Variants in UBXN6 observed in about 807,000 individuals in gnomAD.
UBXN6 encodes the protein UBX domain protein 6, also known as UBX domain-containing protein 6.
Under a neutral mutation model 51.4 loss-of-function variants are expected in UBXN6, and 44 were observed. The ratio of observed to expected loss-of-function variants is 0.86; its 90% CI spans 0.67 to 1.10. The LOEUF is 1.10. Ranked by LOEUF, UBXN6 falls within the 50% of genes least tolerant of loss-of-function variation. UBXN6 has a pLI of 0.00. For synonymous variants in UBXN6, 316 were observed against 263.2 expected (o/e 1.20, Z -1.94); for missense variants, 672 against 596.1 (o/e 1.13, Z -1.32).
Position 4,446,378 on chromosome 19 carries a change from G to A in UBXN6, c.956C>T (p.Thr319Ile). ...EAVERLSVLR[T>I]KAMREKEEQR... is the part of the protein sequence containing the mutation. ...CTCCTCCTTCTCCCGCATGGCCTTG[G>A]TCCGCAGCACGCTCAGCCGCTCCAC... Residue 319 changes from threonine (T) to isoleucine (I), a missense_variant, in exon 9 of 11, where the codon ACC (threonine) becomes ATC (isoleucine). Transcript: ENST00000301281. 1.9e-6 allele frequency: 3 copies of A among 1,576,762 alleles called. No homozygotes were observed. Among genetic ancestry groups the A allele is most frequent in the African/African-American group, 1.3e-5 (1 of 74,536 alleles).
chr19:4,446,772 C>A, intron 7 of UBXN6, 53 bp from the exon 8 acceptor site: 1 of 1,612,380 alleles, frequency 6.2e-7, no homozygotes, highest in Non-Finnish European at 8.5e-7. Flanking sequence ...ACCCCCAAGC[C>A]GGGCCCTCCT....
chr19:4,446,899 C>T lies in UBXN6; in HGVS notation c.637G>A (p.Gly213Arg), dbSNP rs1452729151. 8 of 1,613,856 alleles carry T rather than the reference C, an allele frequency of 5.0e-6. No homozygotes were observed. Among genetic ancestry groups the T allele is most frequent in the Non-Finnish European group, 6.8e-6 (8 of 1,180,016 alleles). The change falls in exon 7 of 11, where the codon GGG becomes AGG. Residue 213 changes from glycine (G) to arginine (R), a missense_variant. Transcript: ENST00000301281. ...VFQERINCLEGTHEFFEAIGF... is the reference protein window; with the variant it reads ...VFQERINCLERTHEFFEAIGF... ...ATGGCCTCAAAAAACTCGTGGGTCC[C>T]TTCCAGGCAGTTAATGCGCTCCTGG... is the stretch of plus-strand genomic sequence containing the variant.
chr19:4,446,782 T>G, intron 7 of UBXN6, 54 bp downstream of exon 7: 1 of 1,612,996 alleles, frequency 6.2e-7, no homozygotes, highest in Non-Finnish European at 8.5e-7. Context: ...CGGGCCCTCC[T>G]GCCCCGAGGC....
chr19:4,457,718 CG>C lies in UBXN6; in HGVS notation c.-22del. On this transcript the variant is annotated 5_prime_UTR_variant, in exon 1 of 11. Coordinates refer to ENST00000301281, the MANE Select transcript of UBXN6 (RefSeq NM_025241.3). Reference sequence around the variant, plus strand: ...TTCATGGTGGCGGCTGGCCCGGCGGCGGGGGGCCGCGGGGGCGGGGGGGCAC... The same window carrying C: ...TTCATGGTGGCGGCTGGCCCGGCGGCGGGGGCCGCGGGGGCGGGGGGGCAC... The C allele has an allele frequency of 6.1e-6, 8 of 1,304,922 alleles. No individual in the cohort carries two copies. The highest frequency in any genetic ancestry group is 1.7e-5 in the African/African-American group (1 of 58,658). 80.8% of individuals were successfully genotyped at this position (1,304,922 alleles called of 1,614,324 possible). A position where few individuals can be genotyped will look rare whatever the true frequency, so the allele number is the denominator to read the frequency against.
At chr19:4,450,968 G>A (rs1009660087) in intron 4 of UBXN6, 1 of 152,178 alleles carries the variant, frequency 6.6e-6, no homozygotes, top group South Asian at 2.1e-4. Context: ...ACAGTATGGT[G>A]AGAGGATGGG....
intron 6 of UBXN6, 115 bp from the exon 7 acceptor site, chr19:4,447,035 A>T (rs1974547840): frequency 5.7e-6 from 6 of 1,052,374 alleles, no homozygotes; most frequent in Non-Finnish European, 8.5e-6. Flanking sequence ...CGACCCCTGG[A>T]TGGGGCCCAG....
chr19:4,457,086 C>G (rs2145191969), intron 1 of UBXN6, among the ~76,000 whole-genome samples: 1 of 152,248 alleles, frequency 6.6e-6, no homozygotes, highest in Non-Finnish European at 1.5e-5. Context: ...CACCCCACAG[C>G]TGTGCGTCCT....
chr19:4,448,457 G>A lies in UBXN6; in HGVS notation c.442-42C>T, dbSNP rs752479381. 55 of 1,518,056 alleles carry A rather than the reference G, an allele frequency of 3.6e-5. No individual in the cohort carries two copies. The Admixed American group carries it at 7.9e-4, about 22-fold the overall frequency. 94.0% of individuals were successfully genotyped at this position (1,518,056 alleles called of 1,614,324 possible). A position where few individuals can be genotyped will look rare whatever the true frequency, so the allele number is the denominator to read the frequency against. Reference sequence around the variant, plus strand: ...AGGGAAAGCCACTCACTGAGAGCCCGGGCCGCACGGCCCTCCGCTGCCCAG... The same window carrying A: ...AGGGAAAGCCACTCACTGAGAGCCCAGGCCGCACGGCCCTCCGCTGCCCAG... On this transcript the variant is annotated intron_variant, in intron 4 of 10. Transcript: ENST00000301281.
Position 4,454,072 on chromosome 19 carries a change from C to A in UBXN6, c.105G>T (p.Lys35Asn). The part of the protein sequence containing the change: ...ESVGEKAHKE[K>N]PNQPAPRPPR... The stretch of plus-strand genomic sequence containing the variant: ...GCGGCCTGGGGGCTGGCTGGTTGGG[C>A]TTCTCTTTGTGGGCCTTTTCCCTGG... The change falls in exon 2 of 11, where the codon AAG (lysine) becomes AAT (asparagine). Residue 35 changes from lysine (K) to asparagine (N), a missense_variant. Physicochemically the swap from Lys to Asn is moderately conservative, Grantham distance 94 (BLOSUM62 0). Coordinates refer to ENST00000301281, the MANE Select transcript of UBXN6 (RefSeq NM_025241.3). 1 of 1,568,140 alleles carries A rather than the reference C, an allele frequency of 6.4e-7. No individual in the cohort carries two copies. The highest frequency in any genetic ancestry group is 1.2e-5 in the South Asian group (1 of 85,030).
At chr19:4,452,240 T>G (rs1974664670) in intron 4 of UBXN6, 124 bp downstream of exon 4, 1 of 1,401,302 alleles carries the variant, frequency 7.1e-7, no homozygotes, top group Admixed American at 2.2e-5. Flanking sequence ...GAGGAGGGGC[T>G]TCACTACTAG....
intron 10 of UBXN6, 120 bp downstream of exon 10, chr19:4,445,929 G>A: frequency 4.1e-6 from 6 of 1,457,826 alleles, no homozygotes; most frequent in Non-Finnish European, 5.5e-6. Flanking sequence ...CAAACCCAGG[G>A]ACCTGCCCAG....
At chr19:4,448,206 C>G (rs1344662205) in intron 5 of UBXN6, 112 bp downstream of exon 5, 2 of 1,010,786 alleles carry the variant, frequency 2.0e-6, no homozygotes, top group Admixed American at 2.1e-5. Context: ...TATGCTCCTT[C>G]CCAACCCACC....
chr19:4,445,860 C>T (rs943876701), intron 10 of UBXN6, 189 bp downstream of exon 10: 26 of 1,069,740 alleles, frequency 2.4e-5, no homozygotes, highest in Middle Eastern at 6.3e-4. Flanking sequence ...GAAACTGAGG[C>T]GTGGAGTAGT....
chr19:4,457,120 T>C (rs1974749463), intron 1 of UBXN6, among the ~76,000 whole-genome samples: 1 of 152,044 alleles, frequency 6.6e-6, no homozygotes, highest in Admixed American at 6.6e-5. Flanking sequence ...CTCCCATCCA[T>C]GGTCACCTAG....
At position 4,445,564 on chromosome 19, in the gene UBXN6, G is replaced by A. The variant is rs375913154; in HGVS notation, c.1260C>T (p.Ala420=). 40 of 1,613,698 alleles carry A rather than the reference G, an allele frequency of 2.5e-5. No homozygotes were observed. Among genetic ancestry groups the A allele is most frequent in the Middle Eastern group, 1.6e-4 (1 of 6,084 alleles). ...GGATGGAGTCCGGCTCGGCCCCCGC[G>A]GCCTTGATGTCCTCCAGCACAGCCA... The part of the protein sequence containing the change: ...WDMAVLEDIK[A]AGAEPDSILK... The change falls in exon 11 of 11, where the codon GCC becomes GCT. Residue 420 remains alanine, a synonymous_variant. Transcript: ENST00000301281.
chr19:4,448,470 CTCCGCTGCCCAGGTAACAG>C, intron 4 of UBXN6, 55 bp from the exon 5 acceptor site: 1 of 1,430,536 alleles, frequency 7.0e-7, no homozygotes, highest in East Asian at 2.4e-5. Flanking sequence ...CCGCACGGCC[CTCCGCTGCCCAGGTAACAG>C]GGGCAGGAAA....
chr19:4,447,577 C>G lies in UBXN6; in HGVS notation c.588G>C (p.Lys196Asn). ...GAAACACCTTGTTCTGCAGCTTGAT[C>G]TTCCGGTACTTCTCCTCCTCGGGGT... ...HLHPEEEKYR[K>N]IKLQNKVFQE... is the part of the protein sequence containing the mutation. Residue 196 changes from lysine (K) to asparagine (N), a missense_variant, in exon 6 of 11, where the codon AAG becomes AAC. Transcript: ENST00000301281. 6.2e-7 allele frequency: 1 copy of G among 1,613,868 alleles called. No homozygotes were observed. The highest frequency in any genetic ancestry group is 1.1e-5 in the South Asian group (1 of 91,082).
rs180886926 is a variant in UBXN6, at chr19:4,445,891, T to G, written c.1200+158A>C. On this transcript the variant is annotated intron_variant, in intron 10 of 10. Coordinates refer to ENST00000301281, the MANE Select transcript of UBXN6 (RefSeq NM_025241.3). ...GTAGTTATGAACTTGCTCGAGGCCC[T>G]GCTGCCAGTAAGTGGGAAAGCAGGA... 2.4e-4 allele frequency: 308 copies of G among 1,274,110 alleles called. 1 individual carries two copies. The East Asian group carries it at 6.4e-3, about 27-fold the overall frequency. 78.9% of individuals were successfully genotyped at this position (1,274,110 alleles called of 1,614,324 possible).
In UBXN6 at chr19:4,453,981, T is replaced by G. The variant is rs554082014; in HGVS notation, c.196A>C (p.Lys66Gln). 9.9e-6 allele frequency: 16 copies of G among 1,611,228 alleles called. No individual in the cohort carries two copies. The highest frequency in any genetic ancestry group is 3.3e-4 in the Middle Eastern group (2 of 6,052). Residue 66 changes from lysine to glutamine, a missense_variant, in exon 2 of 11, where the codon AAG (lysine) becomes CAG (glutamine). Physicochemically the swap from Lys to Gln is moderately conservative, Grantham distance 53 (BLOSUM62 1). Transcript: ENST00000301281. ...GTGGGGCCCCAGGCCCGGGACTGCTTCTGCTCCAGCCGGGCTAGGGCGGCA... is the reference window on the plus strand; with the variant it reads ...GTGGGGCCCCAGGCCCGGGACTGCTGCTGCTCCAGCCGGGCTAGGGCGGCA... Reference protein sequence around the residue: ...AAAALARLEQKQSRAWGPTSQ... With the variant: ...AAAALARLEQQQSRAWGPTSQ...
Sources: gnomAD v4.1 joint callset for allele counts (sites outside exome capture counted in the v4.1 genomes callset) on GRCh38, gnomAD v4.1.1 for gene constraint, MANE v1.5 for transcripts, NCBI Gene and HGNC (gene_info 2026-07-23, HGNC 2026-07-21) for gene names.